Variants in DIDO1 observed in about 807,000 individuals in gnomAD.
DIDO1 encodes death-inducer obliterator 1.
DIDO1 carries 16 observed loss-of-function variants against 99.4 expected under a neutral mutation model. The observed-to-expected ratio is 0.16, with a 90% CI of 0.11 to 0.24. The LOEUF (loss-of-function observed/expected upper bound fraction) is 0.24. DIDO1 is among the 10% of genes least tolerant of loss of function. DIDO1 has a pLI of 1.00. For synonymous variants in DIDO1, 1,366 were observed against 1,239.1 expected (o/e 1.10, Z -2.15); for missense variants, 2,996 against 3,014.0 (o/e 0.99, Z 0.14).
chr20:62,894,744 T>C lies in DIDO1; in HGVS notation c.2436+66A>G, dbSNP rs1382261094. On this transcript the variant is annotated intron_variant, in intron 10 of 15. Transcript: ENST00000395343. This position sits in a 1 kb window ranked among gnomAD's most constrained non-coding sequence, Gnocchi z 4.4. ...TCAGGTCCTGCCCAATAATTTAAGA[T>C]AACCTCAAAACATTTGGGATGGATT... 4 of 1,529,476 alleles carry C rather than the reference T, an allele frequency of 2.6e-6. No homozygotes were observed. The highest frequency in any genetic ancestry group is 2.3e-5 in the East Asian group (1 of 44,414). The allele number at this position is 1,529,476 out of a possible 1,614,324, so 94.7% of individuals were successfully genotyped here.
At position 62,891,912 on chromosome 20, in the gene DIDO1, C is replaced by T. The variant is rs752431088; in HGVS notation, c.3345+75G>A. 15 of 1,229,456 alleles carry T rather than the reference C, an allele frequency of 1.2e-5. No individual in the cohort carries two copies. The Admixed American group carries it at 1.8e-4, about 15-fold the overall frequency. The allele number at this position is 1,229,456 out of a possible 1,614,324, so 76.2% of individuals were successfully genotyped here. On this transcript the variant is annotated intron_variant, in intron 14 of 15. Coordinates refer to ENST00000395343, the MANE Select transcript of DIDO1 (RefSeq NM_001193369.2). ...CATTTTAAGTGTTAACCCATCCAAA[C>T]GAGAGGTTAAAAAAAGATGTGTTTA... is the stretch of plus-strand genomic sequence containing the variant.
chr20:62,877,747 T>C lies in DIDO1; in HGVS notation c.*1486A>G, dbSNP rs919494767. The C allele has an allele frequency of 3.9e-5, 6 of 152,230 alleles. No homozygotes were observed. Among genetic ancestry groups the C allele is most frequent in the African/African-American group, 1.4e-4 (6 of 41,452 alleles). The allele number at this position is 152,230 out of a possible 1,614,324, so 9.4% of individuals were successfully genotyped here. A position where few individuals can be genotyped will look rare whatever the true frequency, so the allele number is the denominator to read the frequency against. ...ATGAAGACCCGAGACAGAAACTTCCTGTAGCTGTTTATTCTACTGCGAGTA... is the reference window on the plus strand; with the variant it reads ...ATGAAGACCCGAGACAGAAACTTCCCGTAGCTGTTTATTCTACTGCGAGTA... On this transcript the variant is annotated 3_prime_UTR_variant, in exon 16 of 16. Transcript: ENST00000395343.
intron 1 of DIDO1, among the ~76,000 whole-genome samples, chr20:62,923,185 AT>A (rs35875353): frequency 4.0e-5 from 6 of 148,964 alleles, no homozygotes; most frequent in Admixed American, 3.3e-4. Context: ...AATTATTATT[AT>A]TTTTTTTTTG....
At position 62,896,136 on chromosome 20, in the gene DIDO1, C is replaced by T; in HGVS notation, c.2214+97G>A. ...AGGAGAAAGAAACGTCTTAGCTTTCCTGGAAAGGACACGAACATCTCAAAA... is the reference window on the plus strand; with the variant it reads ...AGGAGAAAGAAACGTCTTAGCTTTCTTGGAAAGGACACGAACATCTCAAAA... On this transcript the variant is annotated intron_variant, in intron 8 of 15. Coordinates refer to ENST00000395343, the MANE Select transcript of DIDO1 (RefSeq NM_001193369.2). The surrounding 1 kb of genome is among the most constrained non-coding windows in gnomAD (Gnocchi z 4.4). 7.8e-7 allele frequency: 1 copy of T among 1,288,112 alleles called. No homozygotes were observed. 79.8% of individuals were successfully genotyped at this position (1,288,112 alleles called of 1,614,324 possible).
chr20:62,895,088 A>C lies in DIDO1; in HGVS notation c.2292T>G (p.Ser764=). 1.2e-6 allele frequency: 2 copies of C among 1,611,920 alleles called. No individual in the cohort carries two copies. The highest frequency in any genetic ancestry group is 1.7e-6 in the Non-Finnish European group (2 of 1,178,116). ...TCTCTTTCCACGTGGAAAGCTCTTT[A>C]GATACAAGTTCTTCTGGCTTCAGTC... ...LVRLKPEELV[S]KELSTWKERP... Residue 764 remains serine, a synonymous_variant, in exon 9 of 16, where the codon TCT becomes TCG. Transcript: ENST00000395343.
At chr20:62,895,599 A>G (rs7271169) in intron 8 of DIDO1, among the ~76,000 whole-genome samples, 68,852 of 152,206 alleles carry the variant, frequency 0.45, 15,986 homozygotes, top group East Asian at 0.61. Flanking sequence ...ATGCAAAGTC[A>G]GGGTATTTCA....
intron 1 of DIDO1, among the ~76,000 whole-genome samples, chr20:62,923,210 C>G (rs2065189476): frequency 6.6e-6 from 1 of 152,008 alleles, no homozygotes; most frequent in African/African-American, 2.4e-5. Flanking sequence ...CAGAGTCTCA[C>G]TGTCGCCCAG....
intron 6 of DIDO1, 180 bp downstream of exon 6, chr20:62,905,707 A>T: frequency 1.2e-6 from 2 of 1,609,988 alleles, no homozygotes; most frequent in East Asian, 4.5e-5. Context: ...CAGACTAGGG[A>T]TGGACACAGG....
chr20:62,915,388 C>G (rs1173592918), intron 1 of DIDO1, among the ~76,000 whole-genome samples: 1 of 152,092 alleles, frequency 6.6e-6, no homozygotes, highest in African/African-American at 2.4e-5. Flanking sequence ...TGTGGTAAAA[C>G]TATCATCCTC....
chr20:62,927,997 C>T (rs1009830036), upstream of DIDO1, among the ~76,000 whole-genome samples: 1 of 152,142 alleles, frequency 6.6e-6, no homozygotes, highest in Non-Finnish European at 1.5e-5. Flanking sequence ...CTTGGGCAAG[C>T]TCTCTGTTAA....
chr20:62,882,176 C>G lies in DIDO1; in HGVS notation c.3780G>C (p.Ser1260=), dbSNP rs768932391. ...DAAVSTTPPG[S]PPPPPPLPEP... is the part of the protein sequence containing the mutation. ...CTGGAAGAGGGGGCGGAGGCGGCGG[C>G]GACCCAGGAGGTGTGGTGCTGACAG... The change falls in exon 16 of 16, where the codon TCG becomes TCC. Residue 1260 remains serine, a synonymous_variant. Coordinates refer to ENST00000395343, the MANE Select transcript of DIDO1 (RefSeq NM_001193369.2). 1 of 1,613,164 alleles carries G rather than the reference C, an allele frequency of 6.2e-7. No individual in the cohort carries two copies. The highest frequency in any genetic ancestry group is 1.1e-5 in the South Asian group (1 of 91,082).
chr20:62,880,824 C>T lies in DIDO1; in HGVS notation c.5132G>A (p.Arg1711Lys), dbSNP rs1257808035. ...EDPRNLHSAG[R>K]SSSPAGETEG... Reference sequence around the variant, plus strand: ...TGTTTCACCTGCAGGGCTGCTGCTCCTTCCAGCAGAATGAAGATTTCTTGG... The same window carrying T: ...TGTTTCACCTGCAGGGCTGCTGCTCTTTCCAGCAGAATGAAGATTTCTTGG... The change falls in exon 16 of 16, where the codon AGG becomes AAG. Residue 1711 changes from arginine (R) to lysine (K), a missense_variant. Arg to Lys is a conservative substitution (Grantham distance 26). Transcript: ENST00000395343. 39 of 1,612,728 alleles carry T rather than the reference C, an allele frequency of 2.4e-5. No homozygotes were observed. The highest frequency in any genetic ancestry group is 3.2e-5 in the Non-Finnish European group (38 of 1,179,984).
At position 62,936,169 on chromosome 20, in the gene DIDO1, C is replaced by G. The variant is rs2147618377; in HGVS notation, c.-200+1627G>C. 2.6e-5 allele frequency among the ~76,000 whole-genome samples: 4 copies of G among 152,290 alleles called. No individual in the cohort carries two copies. The South Asian group carries it at 8.3e-4, about 32-fold the overall frequency. ...GGCTGACGCCTGTAAACCCAGCACT[C>G]CCAGAGGCCGAGGCGGGAGGATGGC... On this transcript the variant is annotated intron_variant, in intron 1 of 15. Transcript: ENST00000266070.
Position 62,882,098 on chromosome 20 carries a change from T to C in DIDO1, c.3858A>G (p.Pro1286=). ...LSSLKPAAPS[P]ATAATTAAAA... ...CCGCTGCTGTTGTGGCTGCTGTGGCTGGGCTGGGGGCTGCAGGTTTGAGGG... is the reference window on the plus strand; with the variant it reads ...CCGCTGCTGTTGTGGCTGCTGTGGCCGGGCTGGGGGCTGCAGGTTTGAGGG... Residue 1286 remains proline (P), a synonymous_variant, in exon 16 of 16, where the codon CCA becomes CCG. Transcript: ENST00000395343. 1.2e-6 allele frequency: 2 copies of C among 1,613,362 alleles called. No homozygotes were observed. Among genetic ancestry groups the C allele is most frequent in the South Asian group, 1.1e-5 (1 of 91,080 alleles).
At chr20:62,933,491 T>A (rs919731119) in intron 1 of DIDO1, among the ~76,000 whole-genome samples, 4 of 152,172 alleles carry the variant, frequency 2.6e-5, no homozygotes, top group Non-Finnish European at 2.9e-5. Flanking sequence ...TGCTTTTGGG[T>A]TTTGAGAGTA....
Position 62,891,052 on chromosome 20 carries a change from G to C in DIDO1, c.3449C>G (p.Ala1150Gly). 1 of 1,614,190 alleles carries C rather than the reference G, an allele frequency of 6.2e-7. No individual in the cohort carries two copies. Among genetic ancestry groups the C allele is most frequent in the Non-Finnish European group, 8.5e-7 (1 of 1,180,038 alleles). Residue 1150 changes from alanine to glycine, a missense_variant, in exon 15 of 16, where the codon GCT becomes GGT. Physicochemically the swap from Ala to Gly is moderately conservative, Grantham distance 60 (BLOSUM62 0). This residue lies in a region of DIDO1 where 135 missense variants were observed against 202.3 expected (regional missense o/e 0.67). Coordinates refer to ENST00000395343, the MANE Select transcript of DIDO1 (RefSeq NM_001193369.2). Reference sequence around the variant, plus strand: ...GTCCTTGACGTGCCTGTTGTTATTAGCTACAACACCAAAGCGGCCACGGCT... The same window carrying C: ...GTCCTTGACGTGCCTGTTGTTATTACCTACAACACCAAAGCGGCCACGGCT... ...FSSRGRFGVV[A>G]NNNRHVKDLY...
chr20:62,906,033 T>A lies in DIDO1; in HGVS notation c.1442A>T (p.Lys481Met). The change falls in exon 6 of 16, where the codon AAG becomes ATG. Residue 481 changes from lysine (K) to methionine (M), a missense_variant. Physicochemically the swap from Lys to Met is moderately conservative, Grantham distance 95 (BLOSUM62 -1). Around this residue, in one of 5 missense-constraint regions of DIDO1, gnomAD observed 898 missense variants for 972.7 expected, o/e 0.92. Coordinates refer to ENST00000395343, the MANE Select transcript of DIDO1 (RefSeq NM_001193369.2). ...APEKKETTVK[K>M]AVVVPARSEA... ...ACTCCGCGCAGGGACCACCACTGCC[T>A]TCTTCACTGTGGTCTCTTTTTTTTC... 4 of 1,613,946 alleles carry A rather than the reference T, an allele frequency of 2.5e-6. No individual in the cohort carries two copies. The highest frequency in any genetic ancestry group is 3.4e-6 in the Non-Finnish European group (4 of 1,180,024).
intron 2 of DIDO1, among the ~76,000 whole-genome samples, chr20:62,912,023 G>C (rs1365140119): frequency 6.6e-6 from 1 of 152,240 alleles, no homozygotes; most frequent in Non-Finnish European, 1.5e-5. Context: ...TCCGCAGGCA[G>C]ATGGGCTGCT....
intron 13 of DIDO1, among the ~76,000 whole-genome samples, chr20:62,892,535 T>C (rs2064420636): frequency 6.6e-6 from 1 of 152,220 alleles, no homozygotes; most frequent in Admixed American, 6.5e-5. Flanking sequence ...CACAGCCATG[T>C]GGTCAGTGCC....
Sources: allele counts gnomAD v4.1 joint callset (sites outside exome capture counted in the v4.1 genomes callset), GRCh38; gene constraint gnomAD v4.1.1; regional missense constraint gnomAD v4.1.1; non-coding constraint Gnocchi (gnomAD v3.1); transcripts MANE v1.5; gene names NCBI Gene and HGNC (gene_info 2026-07-23, HGNC 2026-07-21).